The following EDA variants were observed in gnomAD, a reference collection of about 807,000 sequenced individuals.
EDA encodes ectodysplasin-A.
In EDA, 2 loss-of-function variants were observed where a neutral mutation model predicts 23.6. That is an observed-to-expected ratio of 0.08 (90% CI 0.03 to 0.27). The LOEUF is 0.27. Among genes scored for constraint, EDA ranks in the 10% least tolerant of loss-of-function variants. The pLI is 1.00. For synonymous variants in EDA, 131 were observed against 132.0 expected (o/e 0.99, Z 0.05); for missense variants, 229 against 324.2 (o/e 0.71, Z 2.26).
chrX:69,621,226 C>T (rs1569274142), intron 1 of EDA, among the ~76,000 whole-genome samples: 2 of 111,997 alleles, frequency 1.8e-5, no homozygotes, highest in Non-Finnish European at 3.8e-5. Flanking sequence ...ACCTCTGAAG[C>T]CATTTAATTC....
intron 2 of EDA, among the ~76,000 whole-genome samples, chrX:69,990,407 CTGATAGCTATCTACTGAT>C (rs1205758948): frequency 1.8e-4 from 20 of 111,343 alleles, no homozygotes; most frequent in African/African-American, 3.6e-4. Context: ...TAGCTATCTA[CTGATAGCTATCTACTGAT>C]TGATAGCTAT....
rs1322006842 is a variant in EDA at position 69,664,158 on chromosome X, A to G, written c.396+47454A>G. Among the ~76,000 whole-genome samples the G allele has an allele frequency of 3.6e-5, 4 of 111,818 alleles. No individual in the cohort carries two copies. In the East Asian group the frequency reaches 1.1e-3, roughly 31 times the overall value. On this transcript the variant is annotated intron_variant, in intron 1 of 7. Transcript: ENST00000374552. ...ATGATTGGTTTTGAAATGTGAGGAC[A>G]TGAGATTTGGGAAGGGCCAACGGTG...
intron 1 of EDA, among the ~76,000 whole-genome samples, chrX:69,811,140 G>A (rs1337356852): frequency 2.7e-5 from 3 of 111,829 alleles, no homozygotes. Context: ...TAACCAATGG[G>A]CCCATATATA....
At chrX:69,751,980 C>A (rs181608164) in intron 1 of EDA, among the ~76,000 whole-genome samples, 23 of 110,388 alleles carry the variant, frequency 2.1e-4, no homozygotes, top group Non-Finnish European at 2.8e-4. Flanking sequence ...TTTTGGGCTG[C>A]GACGATGGGG....
intron 1 of EDA, among the ~76,000 whole-genome samples, chrX:69,812,781 A>G (rs2015991382): frequency 1.8e-5 from 2 of 112,079 alleles, no homozygotes; most frequent in African/African-American, 6.5e-5. Flanking sequence ...GTGAAACAAA[A>G]TCACAAATAG....
chrX:69,645,879 G>A (rs6625494), intron 1 of EDA, among the ~76,000 whole-genome samples: 1 of 108,747 alleles, frequency 9.2e-6, no homozygotes, highest in African/African-American at 3.4e-5. Flanking sequence ...CAGAGATTCT[G>A]GTACGTTGTC....
chrX:69,863,615 ATATGTGTGTATT>A (rs2017434541), intron 1 of EDA, among the ~76,000 whole-genome samples: 1 of 79,962 alleles, frequency 1.3e-5, no homozygotes, highest in African/African-American at 4.7e-5. Flanking sequence ...ATGTGTGTAT[ATATGTGTGTATT>A]TATGTGTGTG....
chrX:69,752,903 C>T (rs1387853054), intron 1 of EDA, among the ~76,000 whole-genome samples: 1 of 111,836 alleles, frequency 8.9e-6, no homozygotes, highest in Non-Finnish European at 1.9e-5. Flanking sequence ...GTTTGTATAT[C>T]TGTGGGATCG....
intron 1 of EDA, among the ~76,000 whole-genome samples, chrX:69,825,601 T>G (rs2016399282): frequency 1.8e-5 from 2 of 113,425 alleles, no homozygotes; most frequent in African/African-American, 6.4e-5. Flanking sequence ...TTCTCTTTAT[T>G]AGTCTTGCTA....
intron 1 of EDA, among the ~76,000 whole-genome samples, chrX:69,801,860 G>A (rs1317595143): frequency 9.0e-6 from 1 of 111,523 alleles, no homozygotes; most frequent in Admixed American, 9.6e-5. Context: ...TCCAATTTTG[G>A]CTAGAATGTA....
At chrX:69,937,587 C>T in intron 1 of EDA, 1 of 1,137,630 alleles carries the variant, frequency 8.8e-7, no homozygotes, top group East Asian at 3.0e-5. Context: ...GAGGACCACT[C>T]CTGAAGTCAT....
chrX:69,849,949 C>G (rs907956849), intron 1 of EDA, among the ~76,000 whole-genome samples: 3 of 111,523 alleles, frequency 2.7e-5, no homozygotes, highest in Non-Finnish European at 5.7e-5. Context: ...TGGGATATGA[C>G]TTATGTACAA....
chrX:69,709,490 C>T (rs952548097), intron 1 of EDA, among the ~76,000 whole-genome samples: 2 of 111,341 alleles, frequency 1.8e-5, no homozygotes, highest in Admixed American at 9.6e-5. Context: ...TCTGAGACAC[C>T]GTCAAATACT....
chrX:69,892,580 T>G (rs2017950469), intron 1 of EDA, among the ~76,000 whole-genome samples: 1 of 112,256 alleles, frequency 8.9e-6, no homozygotes, highest in Non-Finnish European at 1.9e-5. Flanking sequence ...GAAAAATAGA[T>G]TAGAGCCACG....
intron 1 of EDA, among the ~76,000 whole-genome samples, chrX:69,761,359 A>C (rs761371863): frequency 9.0e-6 from 1 of 111,463 alleles, no homozygotes; most frequent in East Asian, 2.8e-4. Context: ...AACAAAGAAA[A>C]TGGAGAGTTA....
At chrX:69,896,826 A>G (rs1408017940) in intron 1 of EDA, among the ~76,000 whole-genome samples, 8 of 111,216 alleles carry the variant, frequency 7.2e-5, no homozygotes, top group Non-Finnish European at 1.5e-4. Context: ...GATGATTTAG[A>G]ATAAATTTGG....
intron 1 of EDA, among the ~76,000 whole-genome samples, chrX:69,684,118 A>G (rs1337000213): frequency 8.9e-6 from 1 of 112,360 alleles, no homozygotes; most frequent in Non-Finnish European, 1.9e-5. Context: ...CATGCATGTT[A>G]CATAGTGTAA....
At chrX:69,900,639 G>A (rs1404999126) in intron 1 of EDA, among the ~76,000 whole-genome samples, 1 of 110,049 alleles carries the variant, frequency 9.1e-6, no homozygotes, top group Non-Finnish European at 1.9e-5. Flanking sequence ...GTTGTATATT[G>A]TATATGACAT....
intron 1 of EDA, among the ~76,000 whole-genome samples, chrX:69,805,483 C>A (rs2015792946): frequency 9.0e-6 from 1 of 111,622 alleles, no homozygotes; most frequent in African/African-American, 3.2e-5. Flanking sequence ...TTTCAAAAGG[C>A]CTCTCCAAGA....
Sources: allele counts gnomAD v4.1 joint callset (sites outside exome capture counted in the v4.1 genomes callset), GRCh38; gene constraint gnomAD v4.1.1; transcripts MANE v1.5; gene names NCBI Gene and HGNC (gene_info 2026-07-23, HGNC 2026-07-21).